Variants in LSS observed in about 807,000 individuals in gnomAD.
LSS encodes 2,3-epoxysqualene-lanosterol cyclase.
A neutral mutation model predicts 110.3 loss-of-function variants in LSS; 90 were observed. The observed-to-expected ratio is 0.82, with a 90% confidence interval of 0.69 to 0.97. The LOEUF is 0.97. Among genes scored for constraint, LSS ranks in the 50% least tolerant of loss-of-function variants. The pLI is 0.00. For synonymous variants in LSS, 433 were observed against 400.0 expected (o/e 1.08, Z -0.98); for missense variants, 927 against 990.0 (o/e 0.94, Z 0.85).
At chr21:46,210,821 G>A (rs1321342193) in intron 11 of LSS, 77 bp from the exon 12 acceptor site, 34 of 1,396,446 alleles carry the variant, frequency 2.4e-5, no homozygotes, top group Non-Finnish European at 3.4e-5. Context: ...GATCCAATGG[G>A]CGCCTGAGGG....
Position 46,205,856 on chromosome 21 carries a change from C to T in LSS, c.1650G>A (p.Glu550=). Residue 550 remains glutamate, a synonymous_variant, in exon 17 of 22, where the codon GAG becomes GAA. Transcript: ENST00000397728. ...ALKYFHKRFP[E]HRAAEIRETL... ...CTTACCGGATCTCCGCTGCCCTGTG[C>T]TCCGGGAAACGCTTGTGGAAATACT... The T allele has an allele frequency of 6.2e-7, 1 of 1,608,206 alleles. No individual in the cohort carries two copies. The highest frequency in any genetic ancestry group is 8.5e-7 in the Non-Finnish European group (1 of 1,177,476).
In LSS at chr21:46,209,594, G is replaced by A; in HGVS notation, c.1226C>T (p.Ser409Phe). The change falls in exon 13 of 22, where the codon TCC becomes TTC. Residue 409 changes from serine to phenylalanine, a missense_variant. By Grantham distance (155) the Ser-to-Phe change is radical. Transcript: ENST00000397728. This position sits in a 1 kb window ranked among gnomAD's most constrained non-coding sequence, Gnocchi z 4.4. ...AGGHHRPEFS[S>F]CLQKAHEFLR... The stretch of plus-strand genomic sequence containing the variant: ...GAACTCATGAGCCTTCTGCAGGCAG[G>A]ACGAAAACTCGGGCCTGTGGTGCCC... 6.2e-7 allele frequency: 1 copy of A among 1,602,756 alleles called. No homozygotes were observed. Among genetic ancestry groups the A allele is most frequent in the East Asian group, 2.2e-5 (1 of 44,496 alleles).
chr21:46,227,417 CAG>C lies in LSS; in HGVS notation c.319+133_319+134del, dbSNP rs555956877. The C allele has an allele frequency of 3.1e-4, 341 of 1,099,794 alleles. 1 individual carries two copies. The highest frequency in any genetic ancestry group is 4.1e-4 in the Non-Finnish European group (322 of 776,726). The allele number at this position is 1,099,794 out of a possible 1,614,324, so 68.1% of individuals were successfully genotyped here. On this transcript the variant is annotated intron_variant, in intron 3 of 21. Transcript: ENST00000397728. ...ATAGCAGGACGACTCTGACATAGGGCAGAGTTTGCCAGCCCTTTTCTTGTGAG... is the reference window on the plus strand; with the variant it reads ...ATAGCAGGACGACTCTGACATAGGGCAGTTTGCCAGCCCTTTTCTTGTGAG...
In LSS at chr21:46,188,878, C is replaced by T. The variant is rs201814314; in HGVS notation, c.*2226G>A. 1.4e-4 allele frequency: 60 copies of T among 431,600 alleles called. No individual in the cohort carries two copies. Among genetic ancestry groups the T allele is most frequent in the Non-Finnish European group, 2.4e-4 (49 of 205,996 alleles). The allele number at this position is 431,600 out of a possible 1,614,324, so 26.7% of individuals were successfully genotyped here. On this transcript the variant is annotated 3_prime_UTR_variant, in exon 22 of 22. Transcript: ENST00000397728. ...TTCCTCCTATGTGGACATTGTATCACGTTTATTTATCTTCCTGGATATGCT... is the reference window on the plus strand; with the variant it reads ...TTCCTCCTATGTGGACATTGTATCATGTTTATTTATCTTCCTGGATATGCT...
intron 20 of LSS, chr21:46,192,730 G>A (rs1019345345): frequency 6.6e-6 from 3 of 454,722 alleles, no homozygotes; most frequent in African/African-American, 2.0e-5. Flanking sequence ...TGGCACAGAT[G>A]GGATACTGCG....
rs761886272 is a variant in LSS, at chr21:46,219,487, G to A, written c.636C>T (p.Phe212=). Residue 212 remains phenylalanine, a synonymous_variant, in exon 6 of 22, where the codon TTC becomes TTT. Transcript: ENST00000397728. ...VYSWEGLNTL[F]PEMWLFPDWA... is the part of the protein sequence containing the mutation. Reference sequence around the variant, plus strand: ...AACAGCAGACATACCACATCTCTGGGAACAGGGTATTGAGGCCTTCCCAGC... The same window carrying A: ...AACAGCAGACATACCACATCTCTGGAAACAGGGTATTGAGGCCTTCCCAGC... 5 of 1,594,764 alleles carry A rather than the reference G, an allele frequency of 3.1e-6. No individual in the cohort carries two copies. In the Admixed American group the frequency reaches 7.0e-5, roughly 22 times the overall value.
At chr21:46,225,138 T>C (rs561562568) in intron 3 of LSS, 33 of 185,018 alleles carry the variant, frequency 1.8e-4, no homozygotes, top group African/African-American at 7.5e-4. Flanking sequence ...TGATTATATA[T>C]GAATATCATT....
intron 8 of LSS, among the ~76,000 whole-genome samples, 158 bp from the exon 9 acceptor site, chr21:46,215,456 G>T (rs1237474721): frequency 2.1e-5 from 3 of 144,980 alleles, no homozygotes; most frequent in African/African-American, 7.5e-5. Flanking sequence ...TGCCCAGGAG[G>T]GGCTGCCCCA....
Position 46,216,384 on chromosome 21 carries a change from C to T in LSS, c.783+5G>A, listed in dbSNP as rs1569032218. 6.2e-7 allele frequency: 1 copy of T among 1,613,704 alleles called. No individual in the cohort carries two copies. On this transcript the variant is annotated splice_donor_5th_base_variant and intron_variant, in intron 7 of 21. Coordinates refer to ENST00000397728, the MANE Select transcript of LSS (RefSeq NM_002340.6). The surrounding 1 kb of genome is among the most constrained non-coding windows in gnomAD (Gnocchi z 4.2). ...CCTTCACTTTGTTCCCTGATGAGGT[C>T]CTACCTGGCGGAGGCTCTGGACCAG...
intron 17 of LSS, among the ~76,000 whole-genome samples, chr21:46,198,817 G>A: frequency 2.0e-5 from 2 of 97,724 alleles, no homozygotes; most frequent in African/African-American, 8.5e-5. Flanking sequence ...AAAACAACTG[G>A]ACATCCACAT....
intron 9 of LSS, among the ~76,000 whole-genome samples, chr21:46,214,363 T>A (rs905535587): frequency 6.6e-6 from 1 of 152,224 alleles, no homozygotes; most frequent in African/African-American, 2.4e-5. Context: ...GTGCTCTATA[T>A]GGGATTAAAC....
intron 8 of LSS, 22 bp downstream of exon 8, chr21:46,215,663 C>A: frequency 6.4e-7 from 1 of 1,552,176 alleles, no homozygotes; most frequent in Non-Finnish European, 8.8e-7. Context: ...GCTGCCCTGC[C>A]GGCCCCTCAG....
rs764989916 is a variant in LSS, at chr21:46,228,494, C to T, written c.120G>A (p.Gln40=). 9.4e-6 allele frequency: 15 copies of T among 1,603,250 alleles called. No individual in the cohort carries two copies. Among genetic ancestry groups the T allele is most frequent in the Non-Finnish European group, 1.3e-5 (15 of 1,179,592 alleles). Residue 40 remains glutamine, a synonymous_variant, in exon 2 of 22, where the codon CAG becomes CAA. Transcript: ENST00000397728. ...ERGRQTWTYL[Q]DERAGREQTG... Reference sequence around the variant, plus strand: ...TCTGCTCGCGGCCGGCGCGCTCGTCCTGCAGGTAGGTCCACGTCTGCCGGC... The same window carrying T: ...TCTGCTCGCGGCCGGCGCGCTCGTCTTGCAGGTAGGTCCACGTCTGCCGGC...
In LSS at chr21:46,190,074, T is replaced by C. The variant is rs2079786552; in HGVS notation, c.*1030A>G. The C allele has an allele frequency of 3.9e-6, 1 of 255,358 alleles. No individual in the cohort carries two copies. Among genetic ancestry groups the C allele is most frequent in the African/African-American group, 2.5e-5 (1 of 40,692 alleles). The allele number at this position is 255,358 out of a possible 1,614,324, so 15.8% of individuals were successfully genotyped here. ...CTGGGCATGAGACTGGCGGCAGCCG[T>C]AGGGGTGCCCTGGGTATATGCCGGG... On this transcript the variant is annotated 3_prime_UTR_variant, in exon 22 of 22. Transcript: ENST00000397728. The surrounding 1 kb of genome is among the most constrained non-coding windows in gnomAD (Gnocchi z 4.6).
In LSS at chr21:46,209,017, T is replaced by G. The variant is rs2080091973; in HGVS notation, c.1266+537A>C. The stretch of plus-strand genomic sequence containing the variant: ...GACAGGGTGTGGGAGACACGGGAGG[T>G]TGGGGCGCATGTATGGGATGACTGT... On this transcript the variant is annotated intron_variant, in intron 13 of 21. Coordinates refer to ENST00000397728, the MANE Select transcript of LSS (RefSeq NM_002340.6). This position sits in a 1 kb window ranked among gnomAD's most constrained non-coding sequence, Gnocchi z 4.4. 6.6e-6 allele frequency among the ~76,000 whole-genome samples: 1 copy of G among 151,446 alleles called. No homozygotes were observed. Among genetic ancestry groups the G allele is most frequent in the Admixed American group, 6.6e-5 (1 of 15,214 alleles).
In LSS at chr21:46,208,341, G is replaced by A. The variant is rs201104223; in HGVS notation, c.1267-40C>T. On this transcript the variant is annotated intron_variant, in intron 13 of 21. Coordinates refer to ENST00000397728, the MANE Select transcript of LSS (RefSeq NM_002340.6). ...GGGCAAATGTGGAAGCAGAGAACAC[G>A]TCACCACGGGACGTCCCCATCTGGG... The A allele has an allele frequency of 2.8e-4, 430 of 1,519,352 alleles. 5 individuals carry two copies. The Middle Eastern group carries it at 3.5e-3, about 12-fold the overall frequency. 94.1% of individuals were successfully genotyped at this position (1,519,352 alleles called of 1,614,324 possible). A position where few individuals can be genotyped will look rare whatever the true frequency, so the allele number is the denominator to read the frequency against.
intron 17 of LSS, among the ~76,000 whole-genome samples, chr21:46,204,131 A>T (rs1317655270): frequency 2.0e-5 from 3 of 152,096 alleles, no homozygotes; most frequent in Non-Finnish European, 4.4e-5. Flanking sequence ...TGTCTCTAAT[A>T]AAAATACCAA....
chr21:46,226,011 T>C (rs2080335440), intron 3 of LSS, among the ~76,000 whole-genome samples: 1 of 151,896 alleles, frequency 6.6e-6, no homozygotes, highest in Non-Finnish European at 1.5e-5. Context: ...CTACCGACCC[T>C]GTGGGGCTGG....
chr21:46,188,810 A>T lies in LSS; in HGVS notation c.*2294T>A, dbSNP rs1227867648. The T allele has an allele frequency of 4.3e-6, 2 of 468,958 alleles. No homozygotes were observed. The highest frequency in any genetic ancestry group is 4.7e-5 in the Admixed American group (2 of 42,502). The allele number at this position is 468,958 out of a possible 1,614,324, so 29.0% of individuals were successfully genotyped here. On this transcript the variant is annotated 3_prime_UTR_variant, in exon 22 of 22. Transcript: ENST00000397728. ...GGGCAGGGAATCGCTGCGTCCTGTG[A>T]CTTGAAGGCCACTGTGAAGGAAAAC...
Sources: gnomAD v4.1 joint callset for allele counts (sites outside exome capture counted in the v4.1 genomes callset) on GRCh38, gnomAD v4.1.1 for gene constraint, Gnocchi (gnomAD v3.1) non-coding constraint, MANE v1.5 for transcripts, NCBI Gene and HGNC (gene_info 2026-07-23, HGNC 2026-07-21) for gene names.